The following C10orf90 variants were observed in gnomAD, a reference collection of about 807,000 sequenced individuals.
C10orf90 encodes chromosome 10 open reading frame 90, also known as (E2-independent) E3 ubiquitin-conjugating enzyme FATS.
C10orf90 carries 56 observed loss-of-function variants against 62.5 expected under a neutral mutation model. The ratio of observed to expected loss-of-function variants is 0.90; its 90% CI spans 0.72 to 1.12. The LOEUF (loss-of-function observed/expected upper bound fraction) is 1.12. Among genes scored for constraint, C10orf90 ranks in the 50% most tolerant of loss-of-function variants. The pLI, the probability that C10orf90 is intolerant of heterozygous loss-of-function variation, is 0.00. For missense variants in C10orf90, 970 were observed against 880.4 expected (o/e 1.10, Z -1.29); for synonymous variants, 386 against 340.4 (o/e 1.13, Z -1.47).
Position 126,513,062 on chromosome 10 carries a change from C to G in C10orf90, c.405+786G>C, listed in dbSNP as rs769313683. ...TCTCTCTTAGAACTACAAAATTTGGCGGCAGAATCTCCATCTGTGACAGAT... is the reference window on the plus strand; with the variant it reads ...TCTCTCTTAGAACTACAAAATTTGGGGGCAGAATCTCCATCTGTGACAGAT... On this transcript the variant is annotated intron_variant, in intron 3 of 9. Coordinates refer to ENST00000488181, the MANE Select transcript of C10orf90 (RefSeq NM_001350921.2). Among the ~76,000 whole-genome samples the G allele has an allele frequency of 2.0e-5, 3 of 152,124 alleles. No homozygotes were observed. The East Asian group carries it at 5.8e-4, about 29-fold the overall frequency.
intron 7 of C10orf90, 50 bp from the exon 8 acceptor site, chr10:126,429,900 C>A: frequency 6.9e-7 from 1 of 1,453,624 alleles, no homozygotes; most frequent in Non-Finnish European, 9.7e-7. Context: ...GAATCTCACA[C>A]ATTTCTAGAG....
Position 126,504,037 on chromosome 10 carries a change from T to A in C10orf90, c.1454A>T (p.Lys485Met), listed in dbSNP as rs1243957890. Reference protein sequence around the residue: ...ANQVTVRKGEKDHTTHCHASD... With the variant: ...ANQVTVRKGEMDHTTHCHASD... ...GGCGTGACAATGAGTTGTATGGTCC[T>A]TTTCCCCTTTTCTTACAGTGACTTG... Residue 485 changes from lysine to methionine, a missense_variant, in exon 4 of 10, where the codon AAG (lysine) becomes ATG (methionine). Lys to Met is a moderately conservative substitution (Grantham distance 95, BLOSUM62 -1). Transcript: ENST00000488181. This position sits in a 1 kb window ranked among gnomAD's most constrained non-coding sequence, Gnocchi z 4.1. 6.2e-7 allele frequency: 1 copy of A among 1,614,128 alleles called. No individual in the cohort carries two copies. Among genetic ancestry groups the A allele is most frequent in the Admixed American group, 1.7e-5 (1 of 60,022 alleles).
intron 2 of C10orf90, among the ~76,000 whole-genome samples, chr10:126,605,429 G>T (rs1364487758): frequency 6.6e-6 from 1 of 152,120 alleles, no homozygotes; most frequent in African/African-American, 2.4e-5. Flanking sequence ...TCTGGGGCTT[G>T]TTGTGGAGGA....
intron 2 of C10orf90, among the ~76,000 whole-genome samples, chr10:126,644,715 G>A (rs1846131892): frequency 6.6e-6 from 1 of 152,180 alleles, no homozygotes. Flanking sequence ...CTGTGGAAGT[G>A]CCCGGTCCTA....
At chr10:126,652,839 G>A (rs959460530) in intron 1 of C10orf90, among the ~76,000 whole-genome samples, 2 of 152,106 alleles carry the variant, frequency 1.3e-5, no homozygotes, top group African/African-American at 4.8e-5. Context: ...GTTCTATTAT[G>A]TTTCTTATCA....
At chr10:126,574,074 G>T (rs1844562973) in intron 2 of C10orf90, among the ~76,000 whole-genome samples, 1 of 152,142 alleles carries the variant, frequency 6.6e-6, no homozygotes, top group African/African-American at 2.4e-5. Context: ...TAAAGCCATA[G>T]AAGTATAAAA....
intron 4 of C10orf90, chr10:126,469,983 G>T (rs1358654337): frequency 4.4e-6 from 2 of 456,652 alleles, no homozygotes; most frequent in African/African-American, 4.0e-5. Context: ...GGCAGGGAAG[G>T]CATTCTTCTG....
chr10:126,530,753 A>G (rs2133954703), intron 2 of C10orf90, among the ~76,000 whole-genome samples: 1 of 152,332 alleles, frequency 6.6e-6, no homozygotes, highest in East Asian at 1.9e-4. Flanking sequence ...GGAAGAAAAC[A>G]TGCCAACCCT....
Position 126,599,889 on chromosome 10 carries a change from T to C in C10orf90, c.313+46676A>G, listed in dbSNP as rs907469114. Among the ~76,000 whole-genome samples the C allele has an allele frequency of 8.5e-5, 13 of 152,252 alleles. 1 individual carries two copies. The highest frequency in any genetic ancestry group is 8.5e-4 in the Admixed American group (13 of 15,290). On this transcript the variant is annotated intron_variant, in intron 2 of 9. Coordinates refer to ENST00000488181, the MANE Select transcript of C10orf90 (RefSeq NM_001350921.2). ...GTTTTCACTTCCAGAGCATAAACTG[T>C]AATAAATGTGAAACACAAAAAGGAA...
At chr10:126,485,074 A>G (rs1339902139) in intron 4 of C10orf90, among the ~76,000 whole-genome samples, 1 of 152,198 alleles carries the variant, frequency 6.6e-6, no homozygotes, top group Non-Finnish European at 1.5e-5. Flanking sequence ...TCTCAGTGTG[A>G]TATTATTAGG....
intron 2 of C10orf90, among the ~76,000 whole-genome samples, chr10:126,644,212 T>A (rs4962585): frequency 0.39 from 59,918 of 152,098 alleles, 13,001 homozygotes; most frequent in Non-Finnish European, 0.48. Flanking sequence ...ATCAGCTGAG[T>A]TCCTCACTCT....
At chr10:126,473,219 T>A (rs2133774626) in intron 4 of C10orf90, among the ~76,000 whole-genome samples, 1 of 152,300 alleles carries the variant, frequency 6.6e-6, no homozygotes, top group South Asian at 2.1e-4. Context: ...ATCCACTAAC[T>A]CTTCCAGCTC....
chr10:126,606,072 G>A (rs1476672789), intron 2 of C10orf90, among the ~76,000 whole-genome samples: 1 of 152,136 alleles, frequency 6.6e-6, no homozygotes, highest in African/African-American at 2.4e-5. Flanking sequence ...GCAATTCAGA[G>A]GCAATGCAGT....
rs572959784 is a variant in C10orf90 at position 126,456,480 on chromosome 10, A to G, written c.2188+2560T>C. Among the ~76,000 whole-genome samples, 1 of 152,306 alleles carries G rather than the reference A, an allele frequency of 6.6e-6. No homozygotes were observed. Among genetic ancestry groups the G allele is most frequent in the African/African-American group, 2.4e-5 (1 of 41,560 alleles). On this transcript the variant is annotated intron_variant, in intron 7 of 9. Transcript: ENST00000488181. This position sits in a 1 kb window ranked among gnomAD's most constrained non-coding sequence, Gnocchi z 4.9. ...GCCTGGTTACCTTTTATTACATACAATTTTAAGACTTCCATTTAAAAGAAT... is the reference window on the plus strand; with the variant it reads ...GCCTGGTTACCTTTTATTACATACAGTTTTAAGACTTCCATTTAAAAGAAT...
In C10orf90 at chr10:126,668,789, T is replaced by C. The variant is rs1360161079; in HGVS notation, c.240+1452A>G. On this transcript the variant is annotated intron_variant, in intron 1 of 9. Coordinates refer to ENST00000488181, the MANE Select transcript of C10orf90 (RefSeq NM_001350921.2). ...ATTCATTTTAACATTAGTGGCTCGG[T>C]TGTTGGCTGTCAATAGTAGCAGCGT... Among the ~76,000 whole-genome samples, 13 of 152,184 alleles carry C rather than the reference T, an allele frequency of 8.5e-5. No individual in the cohort carries two copies. In the East Asian group the frequency reaches 2.5e-3, roughly 29 times the overall value.
At chr10:126,427,655 C>T (rs113819601) in intron 8 of C10orf90, among the ~76,000 whole-genome samples, 3 of 152,208 alleles carry the variant, frequency 2.0e-5, no homozygotes, top group African/African-American at 7.2e-5. Context: ...CCTCCCGCCC[C>T]TCCTGCCGTT....
intron 2 of C10orf90, among the ~76,000 whole-genome samples, chr10:126,604,978 CAGAAA>C (rs1401130811): frequency 1.3e-5 from 2 of 152,116 alleles, no homozygotes; most frequent in Non-Finnish European, 1.5e-5. Context: ...CAGGAAAGCT[CAGAAA>C]AGAAAAGCCA....
intron 4 of C10orf90, among the ~76,000 whole-genome samples, chr10:126,478,563 G>A (rs1564820731): frequency 6.6e-6 from 1 of 152,190 alleles, no homozygotes; most frequent in Non-Finnish European, 1.5e-5. Flanking sequence ...CAGGAAGCCC[G>A]TTTGCTAAAT....
At chr10:126,454,179 C>T (rs1859383041) in intron 7 of C10orf90, among the ~76,000 whole-genome samples, 1 of 152,018 alleles carries the variant, frequency 6.6e-6, no homozygotes, top group African/African-American at 2.4e-5. Flanking sequence ...ATCCTTACTG[C>T]CTGCAGTGGC....
Sources: gnomAD v4.1 joint callset for allele counts (sites outside exome capture counted in the v4.1 genomes callset) on GRCh38, gnomAD v4.1.1 for gene constraint, Gnocchi (gnomAD v3.1) non-coding constraint, MANE v1.5 for transcripts, NCBI Gene and HGNC (gene_info 2026-07-23, HGNC 2026-07-21) for gene names.